Variants in MOB3B observed in about 807,000 individuals in gnomAD.
MOB3B encodes MOB kinase activator-like 2B.
MOB3B carries 7 observed loss-of-function variants against 18.7 expected under a neutral mutation model. That is an observed-to-expected ratio of 0.37 (90% CI 0.21 to 0.70). The LOEUF is 0.70. Ranked by LOEUF, MOB3B falls within the 30% of genes least tolerant of loss-of-function variation. The pLI is 0.52. For synonymous variants in MOB3B, 111 were observed against 99.9 expected, an observed-to-expected ratio of 1.11 and a Z score of -0.66; for missense variants, 253 against 281.3, an observed-to-expected ratio of 0.90 and a Z score of 0.72.
intron 3 of MOB3B, among the ~76,000 whole-genome samples, chr9:27,349,292 C>T (rs1821073068): frequency 6.6e-6 from 1 of 152,170 alleles, no homozygotes; most frequent in Non-Finnish European, 1.5e-5. Context: ...CACACAAGTC[C>T]CTAGGCTAGG....
At chr9:27,459,508 T>A (rs1819246351) in intron 1 of MOB3B, among the ~76,000 whole-genome samples, 1 of 152,148 alleles carries the variant, frequency 6.6e-6, no homozygotes, top group African/African-American at 2.4e-5. Flanking sequence ...AAGTGCTGGG[T>A]TGGAGGGCTG....
At chr9:27,384,564 C>A (rs1381418934) in intron 2 of MOB3B, among the ~76,000 whole-genome samples, 1 of 152,190 alleles carries the variant, frequency 6.6e-6, no homozygotes, top group African/African-American at 2.4e-5. Flanking sequence ...TTCATTCTTC[C>A]ACAGAACTCA....
chr9:27,463,671 A>T (rs376864877), intron 1 of MOB3B, among the ~76,000 whole-genome samples: 1 of 151,876 alleles, frequency 6.6e-6, no homozygotes, highest in Non-Finnish European at 1.5e-5. Flanking sequence ...TTCTTTAAAG[A>T]TGATGGTGGC....
chr9:27,372,228 C>A (rs1213030944), intron 2 of MOB3B, among the ~76,000 whole-genome samples: 3 of 152,078 alleles, frequency 2.0e-5, no homozygotes, highest in Admixed American at 6.6e-5. Flanking sequence ...GGCGTAGGAG[C>A]CAACCTGAAA....
At chr9:27,438,746 C>T (rs1011780596) in intron 2 of MOB3B, among the ~76,000 whole-genome samples, 9 of 152,114 alleles carry the variant, frequency 5.9e-5, no homozygotes, top group Non-Finnish European at 2.9e-5. Context: ...CAATCAGCCC[C>T]GTGAGTCGCT....
chr9:27,376,113 T>C (rs1040510604), intron 2 of MOB3B, among the ~76,000 whole-genome samples: 9 of 152,212 alleles, frequency 5.9e-5, no homozygotes, highest in Non-Finnish European at 1.3e-4. Flanking sequence ...ATACTAAATA[T>C]TCAGTTTGTA....
chr9:27,487,269 T>C (rs1819743314), intron 1 of MOB3B, among the ~76,000 whole-genome samples: 1 of 152,168 alleles, frequency 6.6e-6, no homozygotes, highest in Non-Finnish European at 1.5e-5. Context: ...AAACTAAAGA[T>C]AGTGTTCCCC....
chr9:27,347,818 A>T (rs1002160688), intron 3 of MOB3B, among the ~76,000 whole-genome samples: 6 of 152,240 alleles, frequency 3.9e-5, no homozygotes, highest in Non-Finnish European at 8.8e-5. Flanking sequence ...TACAGTATTC[A>T]TTATAGTAAC....
At chr9:27,390,261 A>G (rs1453585425) in intron 2 of MOB3B, among the ~76,000 whole-genome samples, 1 of 151,782 alleles carries the variant, frequency 6.6e-6, no homozygotes, top group African/African-American at 2.4e-5. Context: ...CTAATTATAT[A>G]TATTTTTGAG....
chr9:27,401,582 T>C (rs1470309242), intron 2 of MOB3B, among the ~76,000 whole-genome samples: 2 of 152,144 alleles, frequency 1.3e-5, no homozygotes, highest in East Asian at 3.9e-4. Context: ...CTTAAAAAAC[T>C]TGCCCTACAA....
In MOB3B at chr9:27,390,823, T is replaced by C. The variant is rs148390129; in HGVS notation, c.419-31587A>G. ...GAGCCTTTGAGTGGTGATCAGGTCA[T>C]GAGAGCAGAGCCCTCACGAATGGGA... On this transcript the variant is annotated intron_variant, in intron 2 of 3. Coordinates refer to ENST00000262244, the MANE Select transcript of MOB3B (RefSeq NM_024761.5). Among the ~76,000 whole-genome samples, 54 of 152,296 alleles carry C rather than the reference T, an allele frequency of 3.5e-4. 1 individual carries two copies. The highest frequency in any genetic ancestry group is 1.2e-3 in the African/African-American group (51 of 41,560).
chr9:27,379,615 G>A (rs1052328880), intron 2 of MOB3B, among the ~76,000 whole-genome samples: 8 of 152,284 alleles, frequency 5.3e-5, no homozygotes, highest in Admixed American at 2.6e-4. Context: ...CCTTACCATA[G>A]GAGCAGAAGG....
chr9:27,528,059 T>C (rs1474133738), intron 1 of MOB3B, among the ~76,000 whole-genome samples: 2 of 152,114 alleles, frequency 1.3e-5, no homozygotes, highest in African/African-American at 4.8e-5. Flanking sequence ...TTTTCTACAA[T>C]GAAGAAAGGG....
chr9:27,369,464 T>C (rs1324252004), intron 2 of MOB3B, among the ~76,000 whole-genome samples: 1 of 152,256 alleles, frequency 6.6e-6, no homozygotes. Context: ...TCTTTACTCC[T>C]GCATTTCTTC....
rs536969717 is a variant in MOB3B at position 27,410,960 on chromosome 9, G to A, written c.418+44173C>T. ...ATTCTTTGAAAACATGATTTTTAAT[G>A]GCTGTCCAAAATTGTATCTGTGGAT... On this transcript the variant is annotated intron_variant, in intron 2 of 3. Coordinates refer to ENST00000262244, the MANE Select transcript of MOB3B (RefSeq NM_024761.5). 6.6e-5 allele frequency among the ~76,000 whole-genome samples: 10 copies of A among 152,214 alleles called. No individual in the cohort carries two copies. The South Asian group carries it at 8.3e-4, about 13-fold the overall frequency.
At chr9:27,485,228 C>A (rs1819716311) in intron 1 of MOB3B, among the ~76,000 whole-genome samples, 1 of 152,190 alleles carries the variant, frequency 6.6e-6, no homozygotes, top group East Asian at 1.9e-4. Context: ...GTTATTATTC[C>A]TATCTTAACA....
intron 2 of MOB3B, among the ~76,000 whole-genome samples, chr9:27,412,388 G>A (rs1174668847): frequency 6.6e-6 from 1 of 152,026 alleles, no homozygotes; most frequent in Non-Finnish European, 1.5e-5. Flanking sequence ...TTGTGGCAAA[G>A]CCCCCACCTT....
At chr9:27,419,518 G>A (rs1433899734) in intron 2 of MOB3B, among the ~76,000 whole-genome samples, 6 of 152,110 alleles carry the variant, frequency 3.9e-5, no homozygotes, top group Admixed American at 1.3e-4. Context: ...ACAGCCAACC[G>A]ATCTTCAACA....
chr9:27,414,465 G>A (rs1195166619), intron 2 of MOB3B, among the ~76,000 whole-genome samples: 1 of 152,206 alleles, frequency 6.6e-6, no homozygotes, highest in Non-Finnish European at 1.5e-5. Flanking sequence ...GCTGGTCAGT[G>A]GGATGACCCT....
Sources: gnomAD v4.1 joint callset for allele counts (sites outside exome capture counted in the v4.1 genomes callset) on GRCh38, gnomAD v4.1.1 for gene constraint, MANE v1.5 for transcripts, NCBI Gene and HGNC (gene_info 2026-07-23, HGNC 2026-07-21) for gene names.